The following TEX11 variants were observed in gnomAD, a reference collection of about 807,000 sequenced individuals.
The protein encoded by TEX11 is testis expressed 11, also known as testis-expressed protein 11.
In TEX11, 7 loss-of-function variants were observed where a neutral mutation model predicts 84.4. That is an observed-to-expected ratio of 0.08 (90% CI 0.05 to 0.16). The LOEUF is 0.16. TEX11 is among the 10% of genes least tolerant of loss of function. The pLI, the probability that TEX11 is intolerant of heterozygous loss-of-function variation, is 1.00. For synonymous variants in TEX11, 264 were observed against 222.8 expected (o/e 1.18, Z -1.64); for missense variants, 551 against 660.5 (o/e 0.83, Z 1.82).
intron 9 of TEX11, among the ~76,000 whole-genome samples, chrX:70,769,487 T>A (rs1050910942): frequency 8.9e-6 from 1 of 112,003 alleles, no homozygotes; most frequent in African/African-American, 3.2e-5. Context: ...TAAATTTAGA[T>A]TTCCTTATCT....
intron 17 of TEX11, among the ~76,000 whole-genome samples, chrX:70,638,642 A>G (rs2089604388): frequency 9.1e-6 from 1 of 109,472 alleles, no homozygotes; most frequent in South Asian, 4.1e-4. Context: ...TCTACTAAAA[A>G]TGCAAAAAAT....
intron 13 of TEX11, among the ~76,000 whole-genome samples, chrX:70,699,405 C>T (rs2090307689): frequency 9.0e-6 from 1 of 111,458 alleles, no homozygotes; most frequent in Non-Finnish European, 1.9e-5. Context: ...GTTTGCTACA[C>T]AACAATAGAT....
At chrX:70,722,904 A>G (rs2090571483) in intron 12 of TEX11, among the ~76,000 whole-genome samples, 1 of 111,938 alleles carries the variant, frequency 8.9e-6, no homozygotes, top group African/African-American at 3.2e-5. Flanking sequence ...ACAGATAGCA[A>G]AGTAATCTGG....
chrX:70,542,589 A>T (rs2088060273), intron 28 of TEX11, among the ~76,000 whole-genome samples: 1 of 111,810 alleles, frequency 8.9e-6, no homozygotes, highest in Non-Finnish European at 1.9e-5. Flanking sequence ...TACTTCTATA[A>T]TTGCTGTTGG....
chrX:70,869,096 A>ATAAAG (rs2091616626), intron 4 of TEX11, among the ~76,000 whole-genome samples: 5 of 104,603 alleles, frequency 4.8e-5, no homozygotes, highest in African/African-American at 1.8e-4. Flanking sequence ...ATAAAATAAA[A>ATAAAG]TAAAATAAAA....
At chrX:70,611,370 TG>T (rs752899642) in intron 20 of TEX11, among the ~76,000 whole-genome samples, 4 of 111,430 alleles carry the variant, frequency 3.6e-5, no homozygotes, top group South Asian at 7.6e-4. Flanking sequence ...GATTCAAAAG[TG>T]GAAACTACCA....
chrX:70,639,579 G>C (rs1344287802), intron 17 of TEX11, among the ~76,000 whole-genome samples: 9 of 111,749 alleles, frequency 8.1e-5, no homozygotes, highest in Admixed American at 1.9e-4. Context: ...TCTGAGAACG[G>C]GCAGACTGCC....
intron 9 of TEX11, among the ~76,000 whole-genome samples, chrX:70,759,565 C>T (rs180741111): frequency 1.8e-5 from 2 of 111,541 alleles, no homozygotes; most frequent in South Asian, 7.5e-4. Context: ...ATTCAACAGC[C>T]CTTCATGCTA....
At chrX:70,894,967 T>C (rs1051464627) in intron 2 of TEX11, among the ~76,000 whole-genome samples, 3 of 111,633 alleles carry the variant, frequency 2.7e-5, no homozygotes, top group African/African-American at 9.8e-5. Flanking sequence ...CTTTGAAAAC[T>C]GGCACAAGAC....
At chrX:70,614,075 C>CT (rs2089292334) in intron 20 of TEX11, among the ~76,000 whole-genome samples, 2 of 111,768 alleles carry the variant, frequency 1.8e-5, no homozygotes, top group Admixed American at 1.9e-4. Flanking sequence ...GGGTGAAACT[C>CT]TGAGATGTGC....
At chrX:70,840,186 C>A (rs1397539383) in intron 7 of TEX11, among the ~76,000 whole-genome samples, 6 of 111,368 alleles carry the variant, frequency 5.4e-5, no homozygotes, top group Non-Finnish European at 1.1e-4. Flanking sequence ...GTCAGATTCA[C>A]CAAAGTTGAA....
chrX:70,516,773 T>A, the TEX11 span, among the ~76,000 whole-genome samples: 1 of 111,037 alleles, frequency 9.0e-6, no homozygotes, highest in Non-Finnish European at 1.9e-5. Flanking sequence ...TTCTTCCATT[T>A]GTTTGTATCC....
At chrX:70,846,820 A>C (rs2147847734) in intron 7 of TEX11, among the ~76,000 whole-genome samples, 1 of 111,692 alleles carries the variant, frequency 9.0e-6, no homozygotes, top group African/African-American at 3.3e-5. Context: ...GCTACTCTGG[A>C]GGCTGAGGCA....
intron 9 of TEX11, 43 bp downstream of exon 9, chrX:70,806,659 TATG>T: frequency 1.1e-6 from 1 of 897,148 alleles, no homozygotes; most frequent in Non-Finnish European, 1.6e-6. Context: ...AACTGACATC[TATG>T]ATAATATTCC....
At chrX:70,674,853 T>C (rs1198186577) in intron 15 of TEX11, among the ~76,000 whole-genome samples, 1 of 111,455 alleles carries the variant, frequency 9.0e-6, no homozygotes, top group Non-Finnish European at 1.9e-5. Context: ...CTATTTGTCT[T>C]CTATTTGTGC....
At chrX:70,553,554 T>C (rs1181289884) in intron 26 of TEX11, 140 bp from the exon 27 acceptor site, 2 of 421,984 alleles carry the variant, frequency 4.7e-6, no homozygotes, top group Non-Finnish European at 8.2e-6. Flanking sequence ...ATTTTATAAA[T>C]GATAAATCTA....
chrX:70,608,958 ATAAG>A (rs2089228438), intron 22 of TEX11, 129 bp downstream of exon 22: 2 of 470,230 alleles, frequency 4.3e-6, no homozygotes, highest in East Asian at 7.7e-5. Flanking sequence ...TTTCCATTTT[ATAAG>A]TAATAAAACA....
chrX:70,599,887 T>C (rs1228007057), intron 24 of TEX11, among the ~76,000 whole-genome samples: 2 of 107,902 alleles, frequency 1.9e-5, no homozygotes, highest in African/African-American at 6.7e-5. Context: ...CCATGGTGTA[T>C]ATGTGCCACA....
At chrX:70,535,669 G>A (rs1481870000) in intron 28 of TEX11, among the ~76,000 whole-genome samples, 1 of 110,429 alleles carries the variant, frequency 9.1e-6, no homozygotes, top group Non-Finnish European at 1.9e-5. Context: ...GATCTCTTGA[G>A]CCCAGGAGGT....
Sources: gnomAD v4.1 joint callset for allele counts (sites outside exome capture counted in the v4.1 genomes callset) on GRCh38, gnomAD v4.1.1 for gene constraint, MANE v1.5 for transcripts, NCBI Gene and HGNC (gene_info 2026-07-23, HGNC 2026-07-21) for gene names.